Variants in PKP2 observed in about 807,000 individuals in gnomAD.
The protein encoded by PKP2 is plakophilin-2.
PKP2 carries 73 observed loss-of-function variants against 83.4 expected under a neutral mutation model. That is an observed-to-expected ratio of 0.88 (90% confidence interval 0.72 to 1.06). The LOEUF (loss-of-function observed/expected upper bound fraction) is 1.06, where lower values mean the gene tolerates loss of function less well. PKP2 is among the 50% of genes least tolerant of loss of function. The probability of loss-of-function intolerance (pLI) is 0.00; values close to 1 mark genes in which losing one functional copy is unlikely to be tolerated. For missense variants in PKP2, 966 were observed against 1,065.4 expected, an observed-to-expected ratio of 0.91 and a Z score of 1.30; for synonymous variants, 409 against 430.4, an observed-to-expected ratio of 0.95 and a Z score of 0.62.
At chr12:32,886,797 G>T (rs1957034360) in intron 1 of PKP2, among the ~76,000 whole-genome samples, 2 of 152,014 alleles carry the variant, frequency 1.3e-5, no homozygotes, top group Admixed American at 1.3e-4. Flanking sequence ...TTTGAGACCA[G>T]CCTGGGCAAT....
chr12:32,858,084 A>AAAAAAAAAATAT (rs1233128620), intron 4 of PKP2, among the ~76,000 whole-genome samples: 1 of 67,026 alleles, frequency 1.5e-5, no homozygotes, highest in South Asian at 6.1e-4. Context: ...AAAAAAAAAA[A>AAAAAAAAAATAT]ATATATATAT....
intron 4 of PKP2, among the ~76,000 whole-genome samples, chr12:32,854,735 G>A (rs1956730067): frequency 6.6e-6 from 1 of 152,170 alleles, no homozygotes; most frequent in Non-Finnish European, 1.5e-5. Context: ...ATACATGAAA[G>A]GGCAGAGTCA....
chr12:32,873,061 T>A (rs998033567), intron 3 of PKP2, among the ~76,000 whole-genome samples: 1 of 152,140 alleles, frequency 6.6e-6, no homozygotes, highest in African/African-American at 2.4e-5. Flanking sequence ...CTCTGCTTAG[T>A]CTCCCTCAAC....
At chr12:32,868,824 A>G (rs1565595995) in intron 4 of PKP2, 103 bp downstream of exon 4, 2 of 1,349,460 alleles carry the variant, frequency 1.5e-6, no homozygotes, top group East Asian at 4.6e-5. Flanking sequence ...GCACGGTCCC[A>G]ATTTTTAAAA....
At chr12:32,893,568 A>AG (rs1957093757) in intron 1 of PKP2, 1 of 152,156 alleles carries the variant, frequency 6.6e-6, no homozygotes, top group Non-Finnish European at 1.5e-5. Context: ...TAAAGTAAGT[A>AG]GGTGTTGTTT....
chr12:32,878,658 G>A, intron 2 of PKP2, 115 bp from the exon 3 acceptor site: 1 of 920,708 alleles, frequency 1.1e-6, no homozygotes, highest in Non-Finnish European at 1.7e-6. Flanking sequence ...ATCAGATGAC[G>A]AGAAGTTTGC....
At chr12:32,802,686 T>C (rs538617899) in intron 9 of PKP2, 130 bp from the exon 10 acceptor site, 1 of 825,288 alleles carries the variant, frequency 1.2e-6, no homozygotes, top group South Asian at 1.6e-5. Flanking sequence ...TGAGACAAAG[T>C]CTCTCTCTGT....
intron 10 of PKP2, among the ~76,000 whole-genome samples, chr12:32,799,717 A>G (rs1398495886): frequency 1.3e-5 from 2 of 152,230 alleles, no homozygotes; most frequent in East Asian, 3.9e-4. Flanking sequence ...CTCACTTATA[A>G]GTGAGAGCTA....
intron 5 of PKP2, chr12:32,843,383 A>G (rs1002024471): frequency 8.4e-7 from 1 of 1,186,922 alleles, no homozygotes; most frequent in African/African-American, 1.6e-5. Context: ...AATGTGGCAG[A>G]CTTGGCTGAA....
At chr12:32,812,912 A>C (rs1338373741) in intron 9 of PKP2, among the ~76,000 whole-genome samples, 1 of 152,222 alleles carries the variant, frequency 6.6e-6, no homozygotes, top group East Asian at 1.9e-4. Flanking sequence ...AGTCAAATCC[A>C]TGTTAACTTG....
intron 4 of PKP2, among the ~76,000 whole-genome samples, chr12:32,856,855 G>A (rs1487078267): frequency 1.3e-5 from 2 of 152,162 alleles, no homozygotes; most frequent in Admixed American, 6.5e-5. Context: ...CAATTTGCCC[G>A]GAGTTATTGC....
At chr12:32,802,349 T>G in intron 10 of PKP2, 54 bp downstream of exon 10, 1 of 1,547,438 alleles carries the variant, frequency 6.5e-7, no homozygotes, top group South Asian at 1.1e-5. Context: ...AACATTTCAT[T>G]GCATTGTATC....
rs1956077682 is a variant in PKP2 at position 32,792,460 on chromosome 12, G to A, written c.2478C>T (p.Ser826=). ...AQFKKTDFVN[S]RTAKAYHSLK... is the part of the protein sequence containing the mutation. The stretch of plus-strand genomic sequence containing the variant: ...GGGAGTGGTAGGCTTTGGCAGTCCG[G>A]CTGTTGACAAAATCTGTCTTCTTAA... Residue 826 remains serine, a synonymous_variant, in exon 13 of 13, where the codon AGC becomes AGT. Transcript: ENST00000340811. 6.2e-7 allele frequency: 1 copy of A among 1,613,646 alleles called. No homozygotes were observed. The highest frequency in any genetic ancestry group is 8.5e-7 in the Non-Finnish European group (1 of 1,179,720).
intron 6 of PKP2, 96 bp from the exon 7 acceptor site, chr12:32,824,258 T>C: frequency 1.1e-6 from 1 of 871,686 alleles, no homozygotes; most frequent in Non-Finnish European, 1.9e-6. Flanking sequence ...TCCAGGTGTT[T>C]GGAAACTGGC....
intron 1 of PKP2, among the ~76,000 whole-genome samples, chr12:32,883,723 C>T (rs932740609): frequency 2.0e-5 from 3 of 152,146 alleles, no homozygotes; most frequent in East Asian, 3.9e-4. Flanking sequence ...CCTATTCTAC[C>T]GCTTTGTATG....
intron 1 of PKP2, among the ~76,000 whole-genome samples, chr12:32,885,406 C>T (rs1023615615): frequency 2.6e-5 from 4 of 152,186 alleles, no homozygotes; most frequent in African/African-American, 9.7e-5. Context: ...GTAATCCCAG[C>T]ACTTTGGGAG....
chr12:32,833,762 T>C (rs1956521219), intron 6 of PKP2, among the ~76,000 whole-genome samples: 1 of 152,212 alleles, frequency 6.6e-6, no homozygotes, highest in South Asian at 2.1e-4. Context: ...CTTTTCTTCT[T>C]TAACCAGCAT....
chr12:32,850,811 C>T lies in PKP2; in HGVS notation c.1333G>A (p.Val445Met). 6.2e-7 allele frequency: 1 copy of T among 1,613,478 alleles called. No homozygotes were observed. The highest frequency in any genetic ancestry group is 8.5e-7 in the Non-Finnish European group (1 of 1,179,860). ...ELNGVPRLLQ[V>M]LKQTRDLETK... ...TCCAAGTCTCTGGTTTGCTTCAGCA[C>T]CTGGAGCAGCCGAGGTACCCCATTT... The change falls in exon 5 of 13, where the codon GTG (valine) becomes ATG (methionine). Residue 445 changes from valine to methionine, a missense_variant. Physicochemically the swap from Val to Met is conservative, Grantham distance 21. Coordinates refer to ENST00000340811, the MANE Select transcript of PKP2 (RefSeq NM_001005242.3).
At chr12:32,880,381 C>T (rs1956974715) in intron 1 of PKP2, among the ~76,000 whole-genome samples, 1 of 151,992 alleles carries the variant, frequency 6.6e-6, no homozygotes, top group Non-Finnish European at 1.5e-5. Context: ...GCCAGGGCGA[C>T]AGAGCAAGAC....
Sources: allele counts gnomAD v4.1 joint callset (sites outside exome capture counted in the v4.1 genomes callset), GRCh38; gene constraint gnomAD v4.1.1; transcripts MANE v1.5; gene names NCBI Gene and HGNC (gene_info 2026-07-23, HGNC 2026-07-21).